SLC28A3: variants seen among roughly 807,000 people sequenced by gnomAD.
SLC28A3 encodes concentrative Na(+)-nucleoside cotransporter 3.
Under a neutral mutation model 84.2 loss-of-function variants are expected in SLC28A3, and 68 were observed. The ratio of observed to expected loss-of-function variants is 0.81; its 90% CI spans 0.66 to 0.99. SLC28A3 has a LOEUF of 0.99. Ranked by LOEUF, SLC28A3 falls within the 50% of genes least tolerant of loss-of-function variation. SLC28A3 has a pLI of 0.00. For synonymous variants in SLC28A3, 267 were observed against 303.6 expected, an observed-to-expected ratio of 0.88 and a Z score of 1.25; for missense variants, 712 against 841.5, an observed-to-expected ratio of 0.85 and a Z score of 1.90.
At chr9:84,298,065 C>T (rs573979987) in intron 6 of SLC28A3, 46 bp from the exon 7 acceptor site, 9 of 1,475,974 alleles carry the variant, frequency 6.1e-6, no homozygotes, top group Middle Eastern at 3.5e-4. Flanking sequence ...AAAATTAATG[C>T]AGGCCGTGGC....
the SLC28A3 span, among the ~76,000 whole-genome samples, chr9:84,360,216 C>T: frequency 0.028 from 4,286 of 151,824 alleles, 55 homozygotes; most frequent in South Asian, 0.039. Flanking sequence ...TAGGGGAGAA[C>T]GGATATGGTC....
intron 1 of SLC28A3, among the ~76,000 whole-genome samples, chr9:84,315,790 C>T (rs138124065): frequency 2.0e-5 from 3 of 152,108 alleles, no homozygotes; most frequent in African/African-American, 7.2e-5. Flanking sequence ...AAATTAGAGT[C>T]GTGGGGCTGT....
chr9:84,291,550 G>A (rs1408439017), intron 10 of SLC28A3, among the ~76,000 whole-genome samples: 2 of 152,164 alleles, frequency 1.3e-5, no homozygotes, highest in Non-Finnish European at 2.9e-5. Flanking sequence ...TGGTCAGGCT[G>A]GTCTCAAACT....
chr9:84,288,745 C>T (rs1003515661), intron 11 of SLC28A3, among the ~76,000 whole-genome samples: 7 of 152,102 alleles, frequency 4.6e-5, no homozygotes, highest in African/African-American at 1.7e-4. Flanking sequence ...GGGGTTTCAA[C>T]CATGTTGGCC....
the SLC28A3 span, among the ~76,000 whole-genome samples, chr9:84,356,983 C>T: frequency 6.6e-6 from 1 of 152,164 alleles, no homozygotes; most frequent in Admixed American, 6.6e-5. Flanking sequence ...TTTTTATTAT[C>T]GTAATTCTTC....
rs1824542678 is a variant in SLC28A3 at position 84,276,816 on chromosome 9, C to CAA, written c.*1400_*1401dup. 6.6e-6 allele frequency: 1 copy of CAA among 152,284 alleles called. No homozygotes were observed. The highest frequency in any genetic ancestry group is 1.9e-4 in the East Asian group (1 of 5,184). The allele number at this position is 152,284 out of a possible 1,614,324, so 9.4% of individuals were successfully genotyped here. Reference sequence around the variant, plus strand: ...TTTTCTTTTAAATTACTCTTGTACACAAACAGAAGGAAAAATAGAAACAAA... The same window carrying CAA: ...TTTTCTTTTAAATTACTCTTGTACACAAAAACAGAAGGAAAAATAGAAACAAA... On this transcript the variant is annotated 3_prime_UTR_variant, in exon 18 of 18. Transcript: ENST00000376238.
chr9:84,306,880 A>T (rs949358915), intron 3 of SLC28A3, among the ~76,000 whole-genome samples: 4 of 150,428 alleles, frequency 2.7e-5, no homozygotes, highest in African/African-American at 4.9e-5. Flanking sequence ...GAAGGAGGCC[A>T]GGTGTGGTGG....
intron 1 of SLC28A3, among the ~76,000 whole-genome samples, chr9:84,340,098 CAGTG>C (rs1827106135): frequency 6.6e-6 from 1 of 152,204 alleles, no homozygotes; most frequent in Non-Finnish European, 1.5e-5. Context: ...ATTAATCACT[CAGTG>C]AGTTTTGGTT....
intron 5 of SLC28A3, among the ~76,000 whole-genome samples, 171 bp downstream of exon 5, chr9:84,302,029 G>T (rs1825651776): frequency 6.6e-6 from 1 of 152,104 alleles, no homozygotes; most frequent in South Asian, 2.1e-4. Flanking sequence ...CCTCATCTAG[G>T]CTTTGATTTC....
the SLC28A3 span, among the ~76,000 whole-genome samples, chr9:84,348,864 C>G: frequency 7.9e-5 from 12 of 152,218 alleles, no homozygotes; most frequent in African/African-American, 2.9e-4. Flanking sequence ...TAGTGCCATG[C>G]TCTTGGACTT....
chr9:84,288,369 G>C (rs1248972098), intron 11 of SLC28A3, among the ~76,000 whole-genome samples, 191 bp from the exon 12 acceptor site: 1 of 152,174 alleles, frequency 6.6e-6, no homozygotes, highest in African/African-American at 2.4e-5. Context: ...ACCTTGAGAG[G>C]CTGAGGGATA....
upstream of SLC28A3, among the ~76,000 whole-genome samples, chr9:84,342,580 A>AT (rs34749390): frequency 0.049 from 6,954 of 143,050 alleles, 362 homozygotes; most frequent in African/African-American, 0.13. Flanking sequence ...CCATGGCTAA[A>AT]TTTTTTTTTT....
At chr9:84,360,211 G>C in the SLC28A3 span, among the ~76,000 whole-genome samples, 2 of 152,014 alleles carry the variant, frequency 1.3e-5, no homozygotes, top group Admixed American at 1.3e-4. Context: ...TTGAATAGGG[G>C]AGAACGGATA....
the SLC28A3 span, among the ~76,000 whole-genome samples, chr9:84,363,594 A>G: frequency 2.4e-4 from 36 of 152,318 alleles, no homozygotes; most frequent in African/African-American, 8.4e-4. Flanking sequence ...TAGTTTCACT[A>G]GTAGATGGGA....
intron 14 of SLC28A3, 36 bp downstream of exon 14, chr9:84,285,309 G>T: frequency 6.3e-7 from 1 of 1,592,476 alleles, no homozygotes; most frequent in South Asian, 1.1e-5. Context: ...GGTATGTGAT[G>T]AAGAAATGTA....
At chr9:84,337,189 A>G (rs1031819577) in intron 1 of SLC28A3, among the ~76,000 whole-genome samples, 1 of 152,128 alleles carries the variant, frequency 6.6e-6, no homozygotes, top group East Asian at 1.9e-4. Flanking sequence ...CCTTAACATC[A>G]ATTATATTGT....
chr9:84,340,720 C>T lies in SLC28A3; in HGVS notation c.-87G>A. ...GTCTCTGCTGATGTCAGAAAGCCAC[C>T]TGCTGTTACAGGGACCTGGGCACAG... On this transcript the variant is annotated 5_prime_UTR_variant, in exon 1 of 18. Coordinates refer to ENST00000376238, the MANE Select transcript of SLC28A3 (RefSeq NM_001199633.2). 6.7e-7 allele frequency: 1 copy of T among 1,495,260 alleles called. No individual in the cohort carries two copies. Among genetic ancestry groups the T allele is most frequent in the Non-Finnish European group, 9.3e-7 (1 of 1,078,374 alleles). The allele number at this position is 1,495,260 out of a possible 1,614,324, so 92.6% of individuals were successfully genotyped here.
At chr9:84,327,938 A>AAAAG (rs1826628582) in intron 1 of SLC28A3, among the ~76,000 whole-genome samples, 1 of 151,016 alleles carries the variant, frequency 6.6e-6, no homozygotes, top group Non-Finnish European at 1.5e-5. Context: ...AAAAAAAAAA[A>AAAAG]AAAAGAAAGA....
intron 1 of SLC28A3, among the ~76,000 whole-genome samples, chr9:84,323,332 A>G (rs1826439548): frequency 6.6e-6 from 1 of 152,184 alleles, no homozygotes; most frequent in African/African-American, 2.4e-5. Context: ...GAGTTGCCTA[A>G]ATGGTGGGCC....
Sources: allele counts gnomAD v4.1 joint callset (sites outside exome capture counted in the v4.1 genomes callset), GRCh38; gene constraint gnomAD v4.1.1; transcripts MANE v1.5; gene names NCBI Gene and HGNC (gene_info 2026-07-23, HGNC 2026-07-21).